LAMA3: variants seen among roughly 807,000 people sequenced by gnomAD.
LAMA3 encodes laminin subunit alpha 3.
In LAMA3, 281 loss-of-function variants were observed where a neutral mutation model predicts 402.0. The ratio of observed to expected loss-of-function variants is 0.70; its 90% CI spans 0.63 to 0.77. The LOEUF is 0.77. LAMA3 is among the 30% of genes least tolerant of loss of function. The pLI is 0.00. For missense variants in LAMA3, 3,840 were observed against 4,215.5 expected (o/e 0.91, Z 2.47); for synonymous variants, 1,431 against 1,558.4 (o/e 0.92, Z 1.93).
chr18:23,871,324 G>A (rs539737382), intron 37 of LAMA3, 107 bp from the exon 38 acceptor site: 2 of 837,460 alleles, frequency 2.4e-6, no homozygotes, highest in Non-Finnish European at 4.1e-6. Flanking sequence ...TTCTCCCTAT[G>A]CATTTTAAGT....
chr18:23,749,604 C>A, intron 4 of LAMA3, 58 bp downstream of exon 4: 1 of 1,048,980 alleles, frequency 9.5e-7, no homozygotes, highest in Non-Finnish European at 1.5e-6. Flanking sequence ...TGAGGATATC[C>A]AATTTTTCAT....
At chr18:23,804,066 A>G (rs1054798822) in intron 12 of LAMA3, among the ~76,000 whole-genome samples, 2 of 152,216 alleles carry the variant, frequency 1.3e-5, no homozygotes, top group Middle Eastern at 3.2e-3. Context: ...CTCACATCAC[A>G]TAGTGACTTC....
intron 20 of LAMA3, among the ~76,000 whole-genome samples, chr18:23,822,752 GT>G (rs2063310901): frequency 6.6e-6 from 1 of 152,172 alleles, no homozygotes; most frequent in African/African-American, 2.4e-5. Context: ...TTCTTCCATT[GT>G]TTCAAACCAA....
Position 23,914,775 on chromosome 18 carries a change from T to C in LAMA3, c.7559T>C (p.Met2520Thr), listed in dbSNP as rs776719308. The C allele has an allele frequency of 3.1e-6, 5 of 1,613,260 alleles. No homozygotes were observed. The South Asian group carries it at 5.5e-5, about 18-fold the overall frequency. The change falls in exon 58 of 75, where the codon ATG becomes ACG. Residue 2520 changes from methionine to threonine, a missense_variant. Coordinates refer to ENST00000313654, the MANE Select transcript of LAMA3 (RefSeq NM_198129.4). ...CCAGAAACACCCGGAGTCTATGACA[T>C]GGATGGTAGAAATAGCAATACACTC... The part of the protein sequence containing the change: ...SKPETPGVYD[M>T]DGRNSNTLLN...
intron 2 of LAMA3, among the ~76,000 whole-genome samples, chr18:23,741,540 A>G (rs2061564102): frequency 6.6e-6 from 1 of 152,212 alleles, no homozygotes; most frequent in South Asian, 2.1e-4. Context: ...TCAAATGGAC[A>G]CCAACCACAA....
At chr18:23,774,919 G>A (rs1362430028) in intron 9 of LAMA3, among the ~76,000 whole-genome samples, 1 of 152,224 alleles carries the variant, frequency 6.6e-6, no homozygotes, top group Admixed American at 6.5e-5. Flanking sequence ...AAGGAAAACA[G>A]GACATTGCCA....
In LAMA3 at chr18:23,769,942, A is replaced by G. The variant is rs540668257; in HGVS notation, c.1183-3555A>G. Among the ~76,000 whole-genome samples, 5 of 152,384 alleles carry G rather than the reference A, an allele frequency of 3.3e-5. No homozygotes were observed. The South Asian group carries it at 8.3e-4, about 25-fold the overall frequency. ...ATATACTATGTAAACAATAAACATT[A>G]GAAGGATAGAGTAAAAATATCAGGC... On this transcript the variant is annotated intron_variant, in intron 8 of 74. Coordinates refer to ENST00000313654, the MANE Select transcript of LAMA3 (RefSeq NM_198129.4).
chr18:23,899,718 T>G (rs1457809217), intron 47 of LAMA3: 4 of 380,882 alleles, frequency 1.1e-5, no homozygotes, highest in Non-Finnish European at 2.0e-5. Context: ...CTCTTTTTCC[T>G]TCTTAACTGC....
At chr18:23,876,818 C>G (rs367550734) in intron 39 of LAMA3, among the ~76,000 whole-genome samples, 1 of 152,006 alleles carries the variant, frequency 6.6e-6, no homozygotes, top group African/African-American at 2.4e-5. Flanking sequence ...AGAAAGCAGC[C>G]AGGGAGAAGG....
Position 23,873,387 on chromosome 18 carries a change from C to T in LAMA3, c.4998+1726C>T, listed in dbSNP as rs141949908. Among the ~76,000 whole-genome samples the T allele has an allele frequency of 2.0e-5, 3 of 152,252 alleles. No homozygotes were observed. The East Asian group carries it at 5.8e-4, about 29-fold the overall frequency. On this transcript the variant is annotated intron_variant, in intron 38 of 74. Coordinates refer to ENST00000313654, the MANE Select transcript of LAMA3 (RefSeq NM_198129.4). ...TTACAGTGCCTGACAGATTGCTCTC[C>T]CGAGCTATTAACCGCAAACCCCATT...
intron 6 of LAMA3, 124 bp downstream of exon 6, chr18:23,753,936 T>C: frequency 1.4e-6 from 1 of 736,324 alleles, no homozygotes; most frequent in Non-Finnish European, 2.4e-6. Flanking sequence ...TCAGGATCAA[T>C]GAATAGGTGG....
intron 49 of LAMA3, 91 bp from the exon 50 acceptor site, chr18:23,903,842 A>G (rs1056861263): frequency 2.7e-5 from 29 of 1,071,170 alleles, no homozygotes; most frequent in Non-Finnish European, 4.1e-5. Flanking sequence ...TTGTTGCCCC[A>G]GAAACACATC....
intron 21 of LAMA3, 137 bp downstream of exon 21, chr18:23,824,702 C>T: frequency 1.1e-6 from 1 of 949,008 alleles, no homozygotes; most frequent in Non-Finnish European, 1.7e-6. Context: ...CAATTCAGCC[C>T]CAACCTAAGG....
intron 2 of LAMA3, among the ~76,000 whole-genome samples, chr18:23,717,324 G>A (rs1226624384): frequency 6.6e-6 from 1 of 152,090 alleles, no homozygotes; most frequent in Admixed American, 6.6e-5. Context: ...TGGGAATTTT[G>A]AGGCATGGTT....
intron 12 of LAMA3, among the ~76,000 whole-genome samples, chr18:23,804,269 G>T (rs973856815): frequency 3.3e-5 from 5 of 152,144 alleles, no homozygotes; most frequent in Non-Finnish European, 7.3e-5. Context: ...ATCCCTATCT[G>T]CCACTGACAC....
intron 4 of LAMA3, among the ~76,000 whole-genome samples, chr18:23,750,588 C>T (rs1233257994): frequency 6.6e-6 from 1 of 151,646 alleles, no homozygotes; most frequent in Non-Finnish European, 1.5e-5. Context: ...CTTATATTTA[C>T]AGGTTTTAAC....
At chr18:23,700,552 C>A (rs1381898358) in intron 1 of LAMA3, among the ~76,000 whole-genome samples, 1 of 151,956 alleles carries the variant, frequency 6.6e-6, no homozygotes, top group Non-Finnish European at 1.5e-5. Context: ...AAAGACATGA[C>A]CTTGAGTGAG....
At chr18:23,713,458 C>G (rs1388908543) in intron 1 of LAMA3, among the ~76,000 whole-genome samples, 1 of 152,216 alleles carries the variant, frequency 6.6e-6, no homozygotes, top group African/African-American at 2.4e-5. Flanking sequence ...ACACCCCTTC[C>G]CTGATGGTTG....
chr18:23,872,159 C>G (rs546988308), intron 38 of LAMA3, among the ~76,000 whole-genome samples: 1 of 152,182 alleles, frequency 6.6e-6, no homozygotes, highest in Admixed American at 6.5e-5. Flanking sequence ...ATTTGAGCCC[C>G]TGCTTTCCCA....
Sources: gnomAD v4.1 joint callset for allele counts (sites outside exome capture counted in the v4.1 genomes callset) on GRCh38, gnomAD v4.1.1 for gene constraint, MANE v1.5 for transcripts, NCBI Gene and HGNC (gene_info 2026-07-23, HGNC 2026-07-21) for gene names.